Variants in SLC4A4 observed in about 807,000 individuals in gnomAD.
The protein encoded by SLC4A4 is solute carrier family 4 member 4.
SLC4A4 carries 27 observed loss-of-function variants against 111.5 expected under a neutral mutation model. The ratio of observed to expected loss-of-function variants is 0.24; its 90% CI spans 0.18 to 0.33. SLC4A4 has a LOEUF of 0.33. SLC4A4 is among the 10% of genes least tolerant of loss of function. SLC4A4 has a pLI of 1.00. For synonymous variants in SLC4A4, 443 were observed against 463.4 expected (o/e 0.96, Z 0.57); for missense variants, 909 against 1,315.5 (o/e 0.69, Z 4.78).
At chr4:71,502,224 G>A (rs1731012641) in intron 16 of SLC4A4, among the ~76,000 whole-genome samples, 1 of 152,248 alleles carries the variant, frequency 6.6e-6, no homozygotes, top group Non-Finnish European at 1.5e-5. Flanking sequence ...GCCTCCCAAA[G>A]TGTTGGGATT....
chr4:71,270,831 G>C (rs1005182708), intron 3 of SLC4A4, among the ~76,000 whole-genome samples: 1 of 152,184 alleles, frequency 6.6e-6, no homozygotes, highest in Non-Finnish European at 1.5e-5. Flanking sequence ...GAGCTCATAG[G>C]CTCATTGGGG....
intron 6 of SLC4A4, among the ~76,000 whole-genome samples, chr4:71,394,602 A>G (rs1016721851): frequency 1.3e-5 from 2 of 152,114 alleles, no homozygotes; most frequent in Non-Finnish European, 2.9e-5. Context: ...AACAGTGTAG[A>G]AATTCCTTAA....
intron 1 of SLC4A4, among the ~76,000 whole-genome samples, chr4:71,078,501 C>A (rs1190027876): frequency 6.6e-6 from 1 of 152,084 alleles, no homozygotes; most frequent in East Asian, 1.9e-4. Flanking sequence ...GCATTAGAAT[C>A]TTGGAAAGGC....
chr4:71,269,510 T>G (rs1722540651), intron 3 of SLC4A4, among the ~76,000 whole-genome samples: 1 of 152,224 alleles, frequency 6.6e-6, no homozygotes, highest in Non-Finnish European at 1.5e-5. Flanking sequence ...TTAAAAATTT[T>G]TTTTTGTTTT....
chr4:71,308,715 A>G (rs1335086103), intron 3 of SLC4A4, among the ~76,000 whole-genome samples: 3 of 152,326 alleles, frequency 2.0e-5, no homozygotes, highest in Non-Finnish European at 4.4e-5. Context: ...TGCAATCCGC[A>G]GACCAGGAGA....
At position 71,539,129 on chromosome 4, in the gene SLC4A4, A is replaced by T. The variant is rs553598335; in HGVS notation, c.2442+4741A>T. Among the ~76,000 whole-genome samples, 18 of 151,112 alleles carry T rather than the reference A, an allele frequency of 1.2e-4. No homozygotes were observed. The South Asian group carries it at 3.8e-3, about 32-fold the overall frequency. Reference sequence around the variant, plus strand: ...AATTTGAGGGTGTTCTTTTTGGATAACTCCCAAATTCCTATTTTTGCCCTA... The same window carrying T: ...AATTTGAGGGTGTTCTTTTTGGATATCTCCCAAATTCCTATTTTTGCCCTA... On this transcript the variant is annotated intron_variant, in intron 18 of 25. Coordinates refer to ENST00000264485, the MANE Select transcript of SLC4A4 (RefSeq NM_001098484.3).
intron 3 of SLC4A4, among the ~76,000 whole-genome samples, chr4:71,317,811 T>A (rs1726810361): frequency 6.6e-6 from 1 of 152,026 alleles, no homozygotes; most frequent in South Asian, 2.1e-4. Flanking sequence ...CTACTAGATA[T>A]GTGATCTGGG....
intron 3 of SLC4A4, among the ~76,000 whole-genome samples, chr4:71,332,425 CT>C (rs1238248514): frequency 2.0e-5 from 3 of 150,862 alleles, no homozygotes; most frequent in Non-Finnish European, 3.0e-5. Flanking sequence ...TTTCTTTTGT[CT>C]CCTCTGACTG....
At chr4:71,147,817 C>G (rs1437704320) in intron 2 of SLC4A4, among the ~76,000 whole-genome samples, 6 of 152,056 alleles carry the variant, frequency 3.9e-5, no homozygotes, top group Non-Finnish European at 1.5e-5. Flanking sequence ...ATTTATAAGG[C>G]TGAATTTGTT....
chr4:71,564,451 C>G (rs897230703), intron 24 of SLC4A4, among the ~76,000 whole-genome samples: 3 of 151,944 alleles, frequency 2.0e-5, no homozygotes, highest in Admixed American at 2.0e-4. Context: ...TTTGCTATTT[C>G]AAAATTATTA....
chr4:71,333,637 A>G (rs1728194702), intron 3 of SLC4A4, among the ~76,000 whole-genome samples: 1 of 152,226 alleles, frequency 6.6e-6, no homozygotes, highest in African/African-American at 2.4e-5. Flanking sequence ...AGCTGAGGGC[A>G]GGTACAGAAA....
chr4:71,278,749 G>C (rs1723271614), intron 3 of SLC4A4, among the ~76,000 whole-genome samples: 2 of 152,066 alleles, frequency 1.3e-5, no homozygotes. Context: ...TCTTCTTTGG[G>C]AAAATGTCTA....
At chr4:71,321,627 G>T (rs1359872953) in intron 3 of SLC4A4, among the ~76,000 whole-genome samples, 1 of 151,914 alleles carries the variant, frequency 6.6e-6, no homozygotes, top group African/African-American at 2.4e-5. Context: ...TCTGGGGAGG[G>T]CCTGCTTGGA....
At chr4:71,297,396 C>G (rs1168219251) in intron 3 of SLC4A4, among the ~76,000 whole-genome samples, 1 of 152,040 alleles carries the variant, frequency 6.6e-6, no homozygotes, top group Non-Finnish European at 1.5e-5. Context: ...TCATATTACA[C>G]TGAGATTGTT....
chr4:71,334,055 T>C (rs1728230156), intron 3 of SLC4A4, among the ~76,000 whole-genome samples: 2 of 151,976 alleles, frequency 1.3e-5, no homozygotes, highest in African/African-American at 4.8e-5. Flanking sequence ...TCACCTTCAT[T>C]CTTCCCTCTC....
rs547405854 is a variant in SLC4A4 at position 71,561,965 on chromosome 4, G to GA, written c.3099+1717dup. Reference sequence around the variant, plus strand: ...AATCCCCCTCTGTAATGATTTTTGAGAAAAAATAGTAAAATATCAGCTTTG... The same window carrying GA: ...AATCCCCCTCTGTAATGATTTTTGAGAAAAAAATAGTAAAATATCAGCTTTG... On this transcript the variant is annotated intron_variant, in intron 23 of 25. Coordinates refer to ENST00000264485, the MANE Select transcript of SLC4A4 (RefSeq NM_001098484.3). 4.6e-3 allele frequency among the ~76,000 whole-genome samples: 696 copies of GA among 151,842 alleles called. 8 individuals carry two copies. Among genetic ancestry groups the GA allele is most frequent in the African/African-American group, 0.016 (654 of 41,506 alleles).
intron 3 of SLC4A4, among the ~76,000 whole-genome samples, chr4:71,299,090 T>G (rs1472141495): frequency 6.6e-6 from 1 of 152,230 alleles, no homozygotes; most frequent in East Asian, 1.9e-4. Flanking sequence ...AGTTTTATCT[T>G]GAGTTTGAAT....
chr4:71,227,045 T>G (rs1184988491), intron 1 of SLC4A4, among the ~76,000 whole-genome samples: 1 of 152,112 alleles, frequency 6.6e-6, no homozygotes, highest in Non-Finnish European at 1.5e-5. Context: ...TAAGTTATAA[T>G]GACAATGCAT....
At chr4:71,282,134 T>C (rs1723567822) in intron 3 of SLC4A4, among the ~76,000 whole-genome samples, 2 of 152,018 alleles carry the variant, frequency 1.3e-5, no homozygotes, top group Non-Finnish European at 2.9e-5. Context: ...AATTAAAAAA[T>C]GATCTGAGTT....
Sources: gnomAD v4.1 joint callset for allele counts (sites outside exome capture counted in the v4.1 genomes callset) on GRCh38, gnomAD v4.1.1 for gene constraint, MANE v1.5 for transcripts, NCBI Gene and HGNC (gene_info 2026-07-23, HGNC 2026-07-21) for gene names.